Variants in KCNT1 observed in about 807,000 individuals in gnomAD.
KCNT1 encodes the protein potassium sodium-activated channel subfamily T member 1.
KCNT1 carries 78 observed loss-of-function variants against 147.8 expected under a neutral mutation model. That is an observed-to-expected ratio of 0.53 (90% confidence interval 0.44 to 0.64). The LOEUF is 0.64. Among genes scored for constraint, KCNT1 ranks in the 30% least tolerant of loss-of-function variants. KCNT1 has a pLI of 0.00. For missense variants in KCNT1, 1,419 were observed against 1,750.3 expected, an observed-to-expected ratio of 0.81 and a Z score of 3.38; for synonymous variants, 867 against 748.8, an observed-to-expected ratio of 1.16 and a Z score of -2.58.
chr9:135,774,164 G>T (rs993073558), intron 19 of KCNT1, among the ~76,000 whole-genome samples: 1 of 151,296 alleles, frequency 6.6e-6, no homozygotes, highest in Admixed American at 6.6e-5. Context: ...GGTGTGTGTG[G>T]TATGTGTCCG....
rs1165720044 is a variant in KCNT1 at position 135,702,821 on chromosome 9, G to T, written c.110+453G>T. Among the ~76,000 whole-genome samples the T allele has an allele frequency of 2.0e-5, 3 of 152,226 alleles. No individual in the cohort carries two copies. In the East Asian group the frequency reaches 5.8e-4, roughly 30 times the overall value. ...CGGCGAGGTTACCCCACACAGTAGG[G>T]GGTTTCCAGAGCAACCTTCCAAGGA... On this transcript the variant is annotated intron_variant, in intron 1 of 30. Transcript: ENST00000371757.
chr9:135,758,636 G>C, intron 10 of KCNT1, 128 bp downstream of exon 10: 1 of 746,962 alleles, frequency 1.3e-6, no homozygotes, highest in Non-Finnish European at 2.2e-6. Flanking sequence ...CAGTGCCTGG[G>C]CTGCGGGTGT....
chr9:135,772,613 G>T, intron 18 of KCNT1, 102 bp from the exon 19 acceptor site: 1 of 816,494 alleles, frequency 1.2e-6, no homozygotes, highest in South Asian at 3.4e-5. Flanking sequence ...GCCAGGCCAT[G>T]ACAGGGTCTC....
chr9:135,735,490 CG>C (rs761228956), intron 2 of KCNT1, among the ~76,000 whole-genome samples: 108 of 152,206 alleles, frequency 7.1e-4, no homozygotes, highest in Non-Finnish European at 1.1e-3. Context: ...CCCTGTGGCA[CG>C]GGTGCATGGA....
intron 11 of KCNT1, 112 bp from the exon 12 acceptor site, chr9:135,764,919 G>C: frequency 8.4e-7 from 1 of 1,189,894 alleles, no homozygotes; most frequent in Admixed American, 2.7e-5. Flanking sequence ...CCCCCCGGCC[G>C]GCCCTGCCCC....
Position 135,768,246 on chromosome 9 carries a change from GGGGGGGGGGGGCACTGGGATACCGGT to G in KCNT1, c.1338-355_1338-330del, listed in dbSNP as rs770372638. Among the ~76,000 whole-genome samples, 75 of 39,448 alleles carry G rather than the reference GGGGGGGGGGGGCACTGGGATACCGGT, an allele frequency of 1.9e-3. 2 individuals carry two copies. The highest frequency in any genetic ancestry group is 3.3e-3 in the Non-Finnish European group (41 of 12,374). The allele number at this position is 39,448 out of a possible 152,430, so 25.9% of individuals were successfully genotyped here. On this transcript the variant is annotated intron_variant, in intron 13 of 30. Coordinates refer to ENST00000371757, the MANE Select transcript of KCNT1 (RefSeq NM_020822.3). ...GAGAGGCCCAGGATGCCTGCGGGGG[GGGGGGGGGGGGCACTGGGATACCGGT>G]GGGGGGGGCACAGGGATGCCTGCTG...
intron 18 of KCNT1, among the ~76,000 whole-genome samples, chr9:135,772,079 G>A (rs1028273820): frequency 3.3e-5 from 5 of 152,202 alleles, no homozygotes; most frequent in African/African-American, 1.2e-4. Flanking sequence ...CGCCGTCTAC[G>A]GCAGCTCACT....
At chr9:135,703,970 GGGATGTCA>G (rs1318897140) in intron 1 of KCNT1, among the ~76,000 whole-genome samples, 1 of 152,254 alleles carries the variant, frequency 6.6e-6, no homozygotes, top group Non-Finnish European at 1.5e-5. Context: ...CGGCAGTGGA[GGGATGTCA>G]GGCGTCAGGC....
chr9:135,750,830 GA>G, intron 3 of KCNT1, 111 bp from the exon 4 acceptor site: 1 of 910,488 alleles, frequency 1.1e-6, no homozygotes, highest in Non-Finnish European at 1.8e-6. Flanking sequence ...CCGGGTGTGG[GA>G]GGGGAGCCCA....
At chr9:135,776,829 C>T (rs1272278920) in intron 20 of KCNT1, among the ~76,000 whole-genome samples, 1 of 152,222 alleles carries the variant, frequency 6.6e-6, no homozygotes, top group African/African-American at 2.4e-5. Context: ...TGACACGATC[C>T]CCTCACCCTT....
Position 135,755,178 on chromosome 9 carries a change from C to T in KCNT1, c.540+9C>T. Reference sequence around the variant, plus strand: ...CACTGTGGGCGATCCAGGTGAGTGCCCTACCCTGCCCCCCTCCCGACTGCA... The same window carrying T: ...CACTGTGGGCGATCCAGGTGAGTGCTCTACCCTGCCCCCCTCCCGACTGCA... On this transcript the variant is annotated intron_variant, in intron 6 of 30. Transcript: ENST00000371757. 1.2e-6 allele frequency: 2 copies of T among 1,607,050 alleles called. No homozygotes were observed. The highest frequency in any genetic ancestry group is 1.3e-5 in the African/African-American group (1 of 74,662).
rs762752381 is a variant in KCNT1, at chr9:135,765,145, G to A, written c.1150G>A (p.Asp384Asn). 20 of 1,613,356 alleles carry A rather than the reference G, an allele frequency of 1.2e-5. No homozygotes were observed. Among genetic ancestry groups the A allele is most frequent in the Admixed American group, 6.7e-5 (4 of 59,996 alleles). The change falls in exon 12 of 31, where the codon GAC becomes AAC. Residue 384 changes from aspartate to asparagine, a missense_variant. Physicochemically the swap from Asp to Asn is conservative, Grantham distance 23. This residue lies in a region of KCNT1 where 401 missense variants were observed against 610.6 expected (regional missense o/e 0.66). Transcript: ENST00000371757. ...CCTGTGTGTCAGCTCCCTCAAGATC[G>A]ACCTTCTCATGGACTTCCTGAACGA... ...VVLCVSSLKIDLLMDFLNEFY... is the reference protein window; with the variant it reads ...VVLCVSSLKINLLMDFLNEFY...
intron 29 of KCNT1, chr9:135,790,249 C>T (rs1425464168): frequency 6.6e-6 from 1 of 152,282 alleles, no homozygotes; most frequent in Non-Finnish European, 1.5e-5. Flanking sequence ...CACCCACTCC[C>T]TGTGCCACCT....
chr9:135,721,550 C>G (rs1827595487), intron 2 of KCNT1, among the ~76,000 whole-genome samples: 1 of 152,188 alleles, frequency 6.6e-6, no homozygotes, highest in Non-Finnish European at 1.5e-5. Context: ...GCCGGCCATG[C>G]GCATACCAGG....
chr9:135,778,383 T>G, intron 21 of KCNT1, 41 bp from the exon 22 acceptor site: 2 of 1,540,132 alleles, frequency 1.3e-6, no homozygotes, highest in Non-Finnish European at 1.8e-6. Context: ...AGGGCAGGCC[T>G]TGAAGCAGGG....
intron 19 of KCNT1, among the ~76,000 whole-genome samples, chr9:135,774,255 T>TGTCTGTGTGTTGTGTGTGGTGTGTGTCC (rs1832967011): frequency 7.5e-6 from 1 of 132,930 alleles, no homozygotes; most frequent in African/African-American, 3.6e-5. Flanking sequence ...CCGTGTGTGG[T>TGTCTGTGTGTTGTGTGTGGTGTGTGTCC]GTGTGTGGTG....
intron 13 of KCNT1, among the ~76,000 whole-genome samples, chr9:135,767,580 A>C: frequency 6.6e-6 from 1 of 151,518 alleles, no homozygotes; most frequent in East Asian, 1.9e-4. Context: ...CTGCACCCCA[A>C]CCCAGCCCTG....
intron 1 of KCNT1, among the ~76,000 whole-genome samples, chr9:135,703,848 C>G (rs148113644): frequency 2.6e-5 from 4 of 152,210 alleles, no homozygotes; most frequent in African/African-American, 4.8e-5. Context: ...AGACACCTGT[C>G]TCTCCCAATT....
chr9:135,706,994 C>T (rs1564308988), intron 1 of KCNT1, among the ~76,000 whole-genome samples: 2 of 151,710 alleles, frequency 1.3e-5, no homozygotes, highest in Non-Finnish European at 1.5e-5. Flanking sequence ...AGTTCCCAGA[C>T]AGGCCCAAGG....
Sources: allele counts gnomAD v4.1 joint callset (sites outside exome capture counted in the v4.1 genomes callset), GRCh38; gene constraint gnomAD v4.1.1; regional missense constraint gnomAD v4.1.1; transcripts MANE v1.5; gene names NCBI Gene and HGNC (gene_info 2026-07-23, HGNC 2026-07-21).